Variants in SYT1 observed in about 807,000 individuals in gnomAD.
The protein encoded by SYT1 is synaptotagmin 1.
A neutral mutation model predicts 44.8 loss-of-function variants in SYT1; 8 were observed. The observed-to-expected ratio is 0.18, with a 90% CI of 0.10 to 0.32. SYT1 has a LOEUF of 0.32. Among genes scored for constraint, SYT1 ranks in the 10% least tolerant of loss-of-function variants. The pLI is 1.00. For synonymous variants in SYT1, 154 were observed against 188.8 expected (o/e 0.82, Z 1.51); for missense variants, 286 against 509.3 (o/e 0.56, Z 4.22).
At chr12:78,877,706 T>C (rs907725237) in intron 1 of SYT1, among the ~76,000 whole-genome samples, 2 of 151,724 alleles carry the variant, frequency 1.3e-5, no homozygotes, top group Non-Finnish European at 2.9e-5. Context: ...TCTGGCTCTG[T>C]CATTCAGGTT....
chr12:78,911,238 T>C lies in SYT1; in HGVS notation c.-217+46129T>C, dbSNP rs79983773. 3.7e-3 allele frequency among the ~76,000 whole-genome samples: 568 copies of C among 152,064 alleles called. 8 individuals are homozygous for C. The highest frequency in any genetic ancestry group is 0.013 in the African/African-American group (539 of 41,526). ...ATTGAGATAGAAAACACACTGAGTG[T>C]GTGGGAAGGCTGTGAATTTGATTTT... On this transcript the variant is annotated intron_variant, in intron 1 of 10. Transcript: ENST00000261205.
intron 3 of SYT1, among the ~76,000 whole-genome samples, chr12:79,216,801 C>T (rs1480045991): frequency 6.6e-6 from 1 of 152,040 alleles, no homozygotes; most frequent in Non-Finnish European, 1.5e-5. Context: ...AGTTATGTTT[C>T]ATTAGCAGCA....
intron 2 of SYT1, among the ~76,000 whole-genome samples, chr12:79,031,073 A>G (rs1441251284): frequency 1.3e-5 from 2 of 151,102 alleles, no homozygotes; most frequent in Admixed American, 6.6e-5. Flanking sequence ...TAGAGAATAA[A>G]CACATAATTT....
intron 1 of SYT1, among the ~76,000 whole-genome samples, chr12:78,912,475 T>C (rs1592551618): frequency 6.6e-6 from 1 of 152,070 alleles, no homozygotes; most frequent in Non-Finnish European, 1.5e-5. Context: ...AAAAATAACA[T>C]TTAACAGAGA....
At position 79,165,762 on chromosome 12, in the gene SYT1, A is replaced by G. The variant is rs528671948; in HGVS notation, c.-17-51741A>G. ...ACCCTATTGCATGAACTGAGTAAAT[A>G]TTAAATGGGAGCTGAATTGTCCACC... On this transcript the variant is annotated intron_variant, in intron 3 of 10. Transcript: ENST00000261205. 5.3e-5 allele frequency among the ~76,000 whole-genome samples: 8 copies of G among 152,154 alleles called. No individual in the cohort carries two copies. The South Asian group carries it at 1.7e-3, about 32-fold the overall frequency.
At chr12:79,118,025 C>T (rs966790846) in intron 3 of SYT1, among the ~76,000 whole-genome samples, 3 of 151,818 alleles carry the variant, frequency 2.0e-5, no homozygotes, top group Admixed American at 6.6e-5. Context: ...AGCACAGAGC[C>T]GAGAAAGGAA....
intron 3 of SYT1, among the ~76,000 whole-genome samples, chr12:79,198,946 G>T (rs1443419855): frequency 2.6e-5 from 4 of 152,170 alleles, no homozygotes; most frequent in Non-Finnish European, 5.9e-5. Flanking sequence ...CAGGCATGAA[G>T]AAGGGGAAGC....
intron 1 of SYT1, among the ~76,000 whole-genome samples, chr12:78,880,785 A>G (rs556105475): frequency 3.0e-4 from 45 of 151,796 alleles, no homozygotes; most frequent in African/African-American, 9.9e-4. Flanking sequence ...GGCCAAAATG[A>G]CTAATTTGTC....
intron 8 of SYT1, among the ~76,000 whole-genome samples, chr12:79,321,043 TGTTCA>T (rs771609493): frequency 7.9e-5 from 12 of 152,212 alleles, no homozygotes; most frequent in Non-Finnish European, 1.5e-4. Flanking sequence ...TTCTAGTTGC[TGTTCA>T]GTCCCCTTGA....
intron 2 of SYT1, among the ~76,000 whole-genome samples, chr12:79,014,364 C>A (rs946893077): frequency 2.6e-5 from 4 of 152,078 alleles, no homozygotes; most frequent in Non-Finnish European, 4.4e-5. Flanking sequence ...TTCCCTTTAA[C>A]CATTCCATAT....
intron 2 of SYT1, among the ~76,000 whole-genome samples, chr12:79,020,141 G>A (rs963794698): frequency 1.3e-5 from 2 of 151,968 alleles, no homozygotes; most frequent in African/African-American, 4.8e-5. Context: ...TGCAAATGAA[G>A]TACAATACTA....
intron 9 of SYT1, among the ~76,000 whole-genome samples, chr12:79,389,980 T>TGC (rs1884588841): frequency 6.6e-6 from 1 of 152,126 alleles, no homozygotes; most frequent in Admixed American, 6.5e-5. Context: ...TTGCCCAGGC[T>TGC]GGAGTGCAGC....
At chr12:79,310,120 G>C (rs1223284815) in intron 8 of SYT1, among the ~76,000 whole-genome samples, 2 of 152,072 alleles carry the variant, frequency 1.3e-5, no homozygotes, top group Non-Finnish European at 2.9e-5. Context: ...GTAATGCCTA[G>C]GTTTTCTTCT....
intron 1 of SYT1, among the ~76,000 whole-genome samples, chr12:78,915,343 A>C (rs532940698): frequency 6.6e-6 from 1 of 152,174 alleles, no homozygotes; most frequent in Admixed American, 6.6e-5. Flanking sequence ...GTAATATTAA[A>C]AACCTGCAGA....
intron 4 of SYT1, among the ~76,000 whole-genome samples, chr12:79,275,488 A>G (rs544110804): frequency 1.3e-5 from 2 of 152,190 alleles, no homozygotes; most frequent in South Asian, 4.1e-4. Flanking sequence ...CTCTACATGA[A>G]TATCAGTATT....
chr12:78,967,690 A>T (rs1476840579), intron 1 of SYT1, among the ~76,000 whole-genome samples: 1 of 152,168 alleles, frequency 6.6e-6, no homozygotes, highest in Non-Finnish European at 1.5e-5. Context: ...TCAGTGGGAA[A>T]TTTGAGTCTA....
rs1344284291 is a variant in SYT1, at chr12:79,103,505, T to A, written c.-18+56143T>A. On this transcript the variant is annotated intron_variant, in intron 3 of 10. Coordinates refer to ENST00000261205, the MANE Select transcript of SYT1 (RefSeq NM_005639.3). The stretch of plus-strand genomic sequence containing the variant: ...GGAGTGAAAGTTTCCTTACTAAAAA[T>A]TTTTTTTAAAAAACTGACCTGGCAG... Among the ~76,000 whole-genome samples the A allele has an allele frequency of 5.3e-5, 8 of 151,926 alleles. No homozygotes were observed. The East Asian group carries it at 1.5e-3, about 29-fold the overall frequency.
At chr12:79,287,674 A>G (rs1175402447) in intron 5 of SYT1, among the ~76,000 whole-genome samples, 2 of 152,182 alleles carry the variant, frequency 1.3e-5, no homozygotes, top group Non-Finnish European at 1.5e-5. Flanking sequence ...ATTTCTTCCT[A>G]GGACAATAAA....
At chr12:79,382,129 G>A (rs1884248601) in intron 9 of SYT1, among the ~76,000 whole-genome samples, 2 of 152,170 alleles carry the variant, frequency 1.3e-5, no homozygotes, top group Admixed American at 6.5e-5. Context: ...CGCTACAGAT[G>A]AAAATGACAC....
Sources: gnomAD v4.1 joint callset for allele counts (sites outside exome capture counted in the v4.1 genomes callset) on GRCh38, gnomAD v4.1.1 for gene constraint, MANE v1.5 for transcripts, NCBI Gene and HGNC (gene_info 2026-07-23, HGNC 2026-07-21) for gene names.